DYRK1A: variants seen among roughly 807,000 people sequenced by gnomAD.
DYRK1A encodes the protein dual specificity tyrosine phosphorylation regulated kinase 1A, also known as dual specificity tyrosine-phosphorylation-regulated kinase 1A.
A neutral mutation model predicts 79.7 loss-of-function variants in DYRK1A; 9 were observed. The observed-to-expected ratio is 0.11, with a 90% CI of 0.07 to 0.20. The LOEUF (loss-of-function observed/expected upper bound fraction) is 0.20. Among genes scored for constraint, DYRK1A ranks in the 10% least tolerant of loss-of-function variants. DYRK1A has a pLI of 1.00. For synonymous variants in DYRK1A, 349 were observed against 329.7 expected (o/e 1.06, Z -0.63); for missense variants, 622 against 956.0 (o/e 0.65, Z 4.61).
intron 5 of DYRK1A, among the ~76,000 whole-genome samples, chr21:37,484,025 A>C (rs886588033): frequency 2.6e-5 from 4 of 152,166 alleles, no homozygotes; most frequent in Admixed American, 2.6e-4. Context: ...GCTACACAGC[A>C]GGAGGTGAGT....
chr21:37,366,350 T>C (rs1350010631), upstream of DYRK1A, among the ~76,000 whole-genome samples: 3 of 143,420 alleles, frequency 2.1e-5, no homozygotes, highest in African/African-American at 7.5e-5. Flanking sequence ...GCGCTAGGGC[T>C]GCGGGGGCGG....
At chr21:37,495,386 G>A (rs192179160) in intron 8 of DYRK1A, among the ~76,000 whole-genome samples, 17 of 151,818 alleles carry the variant, frequency 1.1e-4, no homozygotes, top group East Asian at 3.9e-4. Context: ...GGCCGGGCAC[G>A]GTGGCTCACA....
At chr21:37,462,577 C>G (rs1249347913) in intron 2 of DYRK1A, among the ~76,000 whole-genome samples, 1 of 152,172 alleles carries the variant, frequency 6.6e-6, no homozygotes, top group Non-Finnish European at 1.5e-5. Flanking sequence ...GTCCTTCTCC[C>G]AGTGCTTGTG....
At chr21:37,401,542 G>A (rs1054597678) in intron 1 of DYRK1A, among the ~76,000 whole-genome samples, 14 of 149,780 alleles carry the variant, frequency 9.3e-5, no homozygotes, top group Non-Finnish European at 1.8e-4. Context: ...GAGTGCAATG[G>A]TACCATCTCG....
chr21:37,453,092 C>T (rs1047742953), intron 2 of DYRK1A, among the ~76,000 whole-genome samples: 7 of 151,880 alleles, frequency 4.6e-5, no homozygotes, highest in African/African-American at 1.5e-4. Context: ...GCCTGGGTGA[C>T]GAGGGAGAGA....
intron 2 of DYRK1A, 63 bp from the exon 3 acceptor site, chr21:37,472,621 T>G (rs2052262251): frequency 7.4e-7 from 1 of 1,351,858 alleles, no homozygotes; most frequent in Non-Finnish European, 1.0e-6. Flanking sequence ...CCATTAGATA[T>G]GTCAAATGAT....
chr21:37,492,899 G>A, intron 7 of DYRK1A, 118 bp from the exon 8 acceptor site: 1 of 764,716 alleles, frequency 1.3e-6, no homozygotes, highest in Non-Finnish European at 2.0e-6. Flanking sequence ...TTAATCAATG[G>A]AACCCTAATT....
chr21:37,432,975 A>G (rs79806959), intron 2 of DYRK1A, among the ~76,000 whole-genome samples: 3 of 134,238 alleles, frequency 2.2e-5, no homozygotes, highest in African/African-American at 8.6e-5. Flanking sequence ...AACTCCATCT[A>G]AAAAAAAAAA....
In DYRK1A at chr21:37,514,908, T is replaced by A. The variant is rs1010628041; in HGVS notation, c.*2377T>A. Reference sequence around the variant, plus strand: ...AACTAAAGCAGTTTTTAAACCGATATTTACGTAAAGAAAATCATAAAATCC... The same window carrying A: ...AACTAAAGCAGTTTTTAAACCGATAATTACGTAAAGAAAATCATAAAATCC... On this transcript the variant is annotated 3_prime_UTR_variant, in exon 12 of 12. Transcript: ENST00000647188. 1 of 152,628 alleles carries A rather than the reference T, an allele frequency of 6.6e-6. No individual in the cohort carries two copies. The highest frequency in any genetic ancestry group is 1.5e-5 in the Non-Finnish European group (1 of 68,048). The allele number at this position is 152,628 out of a possible 1,614,324, so 9.5% of individuals were successfully genotyped here. A position where few individuals can be genotyped will look rare whatever the true frequency, so the allele number is the denominator to read the frequency against.
intron 1 of DYRK1A, among the ~76,000 whole-genome samples, chr21:37,398,076 A>AAAT (rs1555953896): frequency 2.1e-4 from 30 of 145,746 alleles, no homozygotes; most frequent in African/African-American, 6.3e-4. Flanking sequence ...TTAAAAAAAA[A>AAAT]ATATATATAT....
upstream of DYRK1A, chr21:37,365,669 TAA>T (rs2049288958): frequency 6.6e-6 from 1 of 152,136 alleles, no homozygotes; most frequent in Non-Finnish European, 1.5e-5. Flanking sequence ...AGGATATTAA[TAA>T]AGAGTTTTGA....
At chr21:37,410,463 T>G (rs2050222510) in intron 1 of DYRK1A, 1 of 152,204 alleles carries the variant, frequency 6.6e-6, no homozygotes, top group South Asian at 2.1e-4. Context: ...AGGATTTTAT[T>G]CTCCTTAAGG....
chr21:37,408,707 T>G (rs1298153060), intron 1 of DYRK1A, among the ~76,000 whole-genome samples: 1 of 152,262 alleles, frequency 6.6e-6, no homozygotes, highest in East Asian at 1.9e-4. Flanking sequence ...ATCACTTAAC[T>G]GTGCTTACTT....
intron 2 of DYRK1A, among the ~76,000 whole-genome samples, chr21:37,444,198 AT>A (rs1248086873): frequency 6.6e-6 from 1 of 152,174 alleles, no homozygotes; most frequent in Non-Finnish European, 1.5e-5. Context: ...CACATAAAAC[AT>A]TTTTGAAGAC....
At chr21:37,492,962 A>G (rs112468085) in intron 7 of DYRK1A, 55 bp from the exon 8 acceptor site, 75 of 1,422,854 alleles carry the variant, frequency 5.3e-5, no homozygotes, top group East Asian at 6.9e-5. Flanking sequence ...TTTTAATCCA[A>G]TGCTGACTGC....
chr21:37,420,830 C>G (rs2050456087), intron 2 of DYRK1A, among the ~76,000 whole-genome samples: 1 of 152,086 alleles, frequency 6.6e-6, no homozygotes, highest in Non-Finnish European at 1.5e-5. Context: ...AAGATATGCT[C>G]TGGGATTTTG....
chr21:37,451,989 T>G (rs1407779377), intron 2 of DYRK1A, among the ~76,000 whole-genome samples: 2 of 151,862 alleles, frequency 1.3e-5, no homozygotes, highest in Non-Finnish European at 2.9e-5. Context: ...AAGAGCACCA[T>G]TGAAGAATGG....
At chr21:37,449,685 CT>C (rs2051383505) in intron 2 of DYRK1A, among the ~76,000 whole-genome samples, 1 of 152,206 alleles carries the variant, frequency 6.6e-6, no homozygotes, top group African/African-American at 2.4e-5. Context: ...AAGACATTGA[CT>C]TCTCTGTGAG....
chr21:37,377,754 G>T (rs770376579), intron 1 of DYRK1A, among the ~76,000 whole-genome samples: 2 of 152,184 alleles, frequency 1.3e-5, no homozygotes, highest in Non-Finnish European at 2.9e-5. Flanking sequence ...ACACTGCCCA[G>T]CCTCTATTGT....
Sources: allele counts gnomAD v4.1 joint callset (sites outside exome capture counted in the v4.1 genomes callset), GRCh38; gene constraint gnomAD v4.1.1; transcripts MANE v1.5; gene names NCBI Gene and HGNC (gene_info 2026-07-23, HGNC 2026-07-21).